Variants in ZNF600 observed in about 807,000 individuals in gnomAD.
The protein encoded by ZNF600 is zinc finger protein 600.
ZNF600 carries 4 observed loss-of-function variants against 7.3 expected under a neutral mutation model. The observed-to-expected ratio is 0.55, with a 90% CI of 0.27 to 1.25. The LOEUF is 1.25. Ranked by LOEUF, ZNF600 falls within the 50% of genes most tolerant of loss-of-function variation. The probability of loss-of-function intolerance (pLI) is 0.12; values close to 1 mark genes in which losing one functional copy is unlikely to be tolerated. For synonymous variants in ZNF600, 290 were observed against 308.9 expected, an observed-to-expected ratio of 0.94 and a Z score of 0.64; for missense variants, 911 against 922.1, an observed-to-expected ratio of 0.99 and a Z score of 0.16.
At chr19:52,767,337 C>G in exon 4 of ZNF600, 1 of 1,613,840 alleles carries the variant, frequency 6.2e-7, no homozygotes, top group Non-Finnish European at 8.5e-7. Context: ...GGAATTATTC[C>G]CATAGTTATT....
the ZNF600 span, chr19:52,809,831 C>CGGCGGT: frequency 5.4e-6 from 3 of 554,672 alleles, no homozygotes; most frequent in South Asian, 2.2e-5. Flanking sequence ...AAGGCGGCGG[C>CGGCGGT]GGCGGCGGTG....
chr19:52,781,622 C>G (rs2062722378), intron 1 of ZNF600, among the ~76,000 whole-genome samples, 158 bp from the exon 2 acceptor site: 1 of 152,064 alleles, frequency 6.6e-6, no homozygotes, highest in African/African-American at 2.4e-5. Flanking sequence ...AAAAATTAGC[C>G]AGGCATCATG....
chr19:52,814,887 A>C, the ZNF600 span, among the ~76,000 whole-genome samples: 1 of 146,336 alleles, frequency 6.8e-6, no homozygotes, highest in Admixed American at 6.9e-5. Flanking sequence ...ACCTTGTCTC[A>C]AAATAAAATA....
chr19:52,770,048 A>G (rs2062619233), intron 3 of ZNF600, among the ~76,000 whole-genome samples: 1 of 152,224 alleles, frequency 6.6e-6, no homozygotes, highest in African/African-American at 2.4e-5. Context: ...CACAACATCT[A>G]CTTAACCACC....
the ZNF600 span, chr19:52,808,198 AAG>A: frequency 6.3e-7 from 1 of 1,594,972 alleles, no homozygotes; most frequent in African/African-American, 1.3e-5. Context: ...AGAAAATGAC[AAG>A]AGAGGGGGAA....
the ZNF600 span, among the ~76,000 whole-genome samples, chr19:52,819,494 C>G: frequency 4.7e-5 from 4 of 84,368 alleles, 1 homozygote; most frequent in African/African-American, 1.7e-4. Context: ...ACCCAGACAC[C>G]CACTCTATTT....
At chr19:52,782,273 C>T (rs1230093030) in intron 1 of ZNF600, among the ~76,000 whole-genome samples, 1 of 152,098 alleles carries the variant, frequency 6.6e-6, no homozygotes, top group Admixed American at 6.6e-5. Context: ...CCTGTAATCA[C>T]AGCACCTTGG....
chr19:52,766,364 G>A lies in ZNF600; in HGVS notation c.1599C>T (p.His533=), dbSNP rs149186173. The change falls in exon 4 of 4, where the codon CAC becomes CAT. Residue 533 remains histidine (H), a synonymous_variant. Coordinates refer to ENST00000648973, the Ensembl canonical transcript of ZNF600. ...TACATTTGTATGGTTTCTCTCCGGT[G>A]TGAATTATCTTATGTGTCTCAAGGG... 2,062 of 1,612,728 alleles carry A rather than the reference G, an allele frequency of 1.3e-3. 14 individuals are homozygous for A. The highest frequency in any genetic ancestry group is 3.2e-3 in the South Asian group (294 of 90,998).
chr19:52,792,993 C>T, the ZNF600 span, among the ~76,000 whole-genome samples: 1 of 152,074 alleles, frequency 6.6e-6, no homozygotes, highest in Non-Finnish European at 1.5e-5. Flanking sequence ...ACCTCGGCCT[C>T]CCAAAGTGCT....
the ZNF600 span, among the ~76,000 whole-genome samples, chr19:52,803,892 G>C: frequency 6.6e-6 from 1 of 152,316 alleles, no homozygotes; most frequent in Admixed American, 6.5e-5. Context: ...AGAAGGTGAA[G>C]GTTGCAGTGA....
At chr19:52,789,409 T>C (rs1438699103), upstream of ZNF600, among the ~76,000 whole-genome samples, 1 of 152,232 alleles carries the variant, frequency 6.6e-6, no homozygotes, top group Non-Finnish European at 1.5e-5. Flanking sequence ...ATTTTGGAAA[T>C]GTATTTTCTC....
At chr19:52,817,212 A>C in the ZNF600 span, among the ~76,000 whole-genome samples, 1 of 152,038 alleles carries the variant, frequency 6.6e-6, no homozygotes, top group Non-Finnish European at 1.5e-5. Context: ...GTCTCTACTA[A>C]AAATACAAAA....
At chr19:52,806,144 A>G in the ZNF600 span, 1 of 152,100 alleles carries the variant, frequency 6.6e-6, no homozygotes, top group Admixed American at 6.6e-5. Context: ...TCTGACAAAT[A>G]AAAAAATGTT....
At chr19:52,792,837 A>G in the ZNF600 span, among the ~76,000 whole-genome samples, 1 of 151,562 alleles carries the variant, frequency 6.6e-6, no homozygotes, top group African/African-American at 2.4e-5. Context: ...GCTTCATGCC[A>G]TTCTCCTGCC....
intron 1 of ZNF600, among the ~76,000 whole-genome samples, chr19:52,779,306 C>T (rs770662946): frequency 1.3e-5 from 2 of 152,180 alleles, no homozygotes; most frequent in African/African-American, 4.8e-5. Context: ...CAAGCACCTG[C>T]GCCACTGCAG....
At chr19:52,786,403 C>T (rs1471940150) in intron 1 of ZNF600, among the ~76,000 whole-genome samples, 192 bp downstream of exon 1, 2 of 152,104 alleles carry the variant, frequency 1.3e-5, no homozygotes, top group Non-Finnish European at 2.9e-5. Context: ...GGCTGGGAGG[C>T]GCCCAGGGCT....
chr19:52,809,874 G>A, the ZNF600 span: 9 of 690,656 alleles, frequency 1.3e-5, no homozygotes, highest in Admixed American at 4.9e-5. Flanking sequence ...GCCTGCGGGC[G>A]GTCCGGGATC....
chr19:52,800,016 T>C, the ZNF600 span: 71 of 1,614,092 alleles, frequency 4.4e-5, no homozygotes, highest in Non-Finnish European at 5.9e-5. Flanking sequence ...GCCACACTCA[T>C]TACACTTGTA....
chr19:52,797,101 G>A, the ZNF600 span, among the ~76,000 whole-genome samples: 3 of 152,160 alleles, frequency 2.0e-5, no homozygotes, highest in African/African-American at 4.8e-5. Flanking sequence ...AAATCAATGT[G>A]ATATACCACT....
Sources: allele counts gnomAD v4.1 joint callset (sites outside exome capture counted in the v4.1 genomes callset), GRCh38; gene constraint gnomAD v4.1.1; transcripts MANE v1.5; gene names NCBI Gene and HGNC (gene_info 2026-07-23, HGNC 2026-07-21).